The following APP variants were observed in gnomAD, a reference collection of about 807,000 sequenced individuals.
APP encodes amyloid-beta precursor protein.
APP carries 31 observed loss-of-function variants against 101.4 expected under a neutral mutation model. The observed-to-expected ratio is 0.31, with a 90% confidence interval of 0.23 to 0.41. The LOEUF is 0.41. Ranked by LOEUF, APP falls within the 10% of genes least tolerant of loss-of-function variation. The pLI is 1.00. For missense variants in APP, 839 were observed against 1,003.7 expected (o/e 0.84, Z 2.22); for synonymous variants, 366 against 364.4 (o/e 1.00, Z -0.05).
intron 5 of APP, among the ~76,000 whole-genome samples, chr21:26,041,042 C>A (rs756197618): frequency 5.3e-5 from 8 of 152,194 alleles, no homozygotes; most frequent in Non-Finnish European, 1.2e-4. Context: ...TCACTCTCTA[C>A]CTCTACTCAA....
intron 5 of APP, among the ~76,000 whole-genome samples, chr21:26,031,851 T>C (rs2044842275): frequency 6.6e-6 from 1 of 152,118 alleles, no homozygotes; most frequent in Non-Finnish European, 1.5e-5. Context: ...AGCAATACCT[T>C]GTCCTGCCCC....
intron 1 of APP, chr21:26,140,088 G>C (rs750128846): frequency 1.7e-6 from 2 of 1,187,034 alleles, no homozygotes; most frequent in African/African-American, 3.0e-5. Flanking sequence ...TACTGTCTGA[G>C]AACAGAGTTT....
chr21:25,889,712 GC>G (rs1455825832), intron 17 of APP, among the ~76,000 whole-genome samples: 2 of 152,066 alleles, frequency 1.3e-5, no homozygotes, highest in Non-Finnish European at 2.9e-5. Flanking sequence ...GTGGTGGTAT[GC>G]CCCTGTAATC....
chr21:26,037,119 CAG>C (rs2045152160), intron 5 of APP, among the ~76,000 whole-genome samples: 1 of 152,108 alleles, frequency 6.6e-6, no homozygotes, highest in Non-Finnish European at 1.5e-5. Flanking sequence ...AAGCCAAAAA[CAG>C]AAAGTTAAAC....
In APP at chr21:25,897,614, A is replaced by T. The variant is rs767144744; in HGVS notation, c.2023T>A (p.Phe675Ile). Residue 675 changes from phenylalanine (F) to isoleucine (I), a missense_variant, in exon 16 of 18, where the codon TTC (phenylalanine) becomes ATC (isoleucine). By Grantham distance (21) the Phe-to-Ile change is conservative (BLOSUM62 0). Coordinates refer to ENST00000346798, the MANE Select transcript of APP (RefSeq NM_000484.4). ...EISEVKMDAE[F>I]RHDSGYEVHH... ...ACTTCATATCCTGAGTCATGTCGGA[A>T]TTCTGCATCCATCTTCACTTCAGAG... The T allele has an allele frequency of 1.2e-6, 2 of 1,614,050 alleles. No individual in the cohort carries two copies. The highest frequency in any genetic ancestry group is 2.2e-5 in the South Asian group (2 of 91,080).
At chr21:26,064,672 C>T (rs187485424) in intron 3 of APP, among the ~76,000 whole-genome samples, 2 of 152,166 alleles carry the variant, frequency 1.3e-5, no homozygotes, top group Admixed American at 6.5e-5. Flanking sequence ...CATTTAACAC[C>T]CTCCCCCTAA....
chr21:25,881,507 A>C lies in APP; in HGVS notation c.*163T>G, dbSNP rs1467945548. ...ACATTACTGATGTGTGGATTAATTCAAGTTCAGGCATCTACTTGTGTTACA... is the reference window on the plus strand; with the variant it reads ...ACATTACTGATGTGTGGATTAATTCCAGTTCAGGCATCTACTTGTGTTACA... On this transcript the variant is annotated 3_prime_UTR_variant, in exon 18 of 18. Transcript: ENST00000346798. The C allele has an allele frequency of 1.3e-6, 1 of 756,362 alleles. No homozygotes were observed. The highest frequency in any genetic ancestry group is 2.3e-6 in the Non-Finnish European group (1 of 437,262). 46.9% of individuals were successfully genotyped at this position (756,362 alleles called of 1,614,324 possible).
chr21:25,991,565 A>G (rs1429653417), intron 8 of APP, among the ~76,000 whole-genome samples: 1 of 152,098 alleles, frequency 6.6e-6, no homozygotes, highest in Non-Finnish European at 1.5e-5. Context: ...TTTAGCAGAG[A>G]TGGGGTTTCG....
chr21:25,882,192 C>T (rs1385491672), intron 17 of APP, among the ~76,000 whole-genome samples: 3 of 151,606 alleles, frequency 2.0e-5, no homozygotes, highest in Non-Finnish European at 4.4e-5. Flanking sequence ...GGAGATTCAG[C>T]AAAGTATACT....
chr21:26,045,805 AC>A (rs1211288444), intron 5 of APP, among the ~76,000 whole-genome samples: 2 of 152,082 alleles, frequency 1.3e-5, no homozygotes, highest in Non-Finnish European at 2.9e-5. Flanking sequence ...GGCCATACGC[AC>A]CCACACAAGC....
At chr21:26,122,310 T>C (rs1050116833) in intron 1 of APP, among the ~76,000 whole-genome samples, 9 of 152,202 alleles carry the variant, frequency 5.9e-5, no homozygotes, top group Non-Finnish European at 1.2e-4. Context: ...TTCCACATTG[T>C]CCATACCCTT....
intron 15 of APP, among the ~76,000 whole-genome samples, chr21:25,902,297 T>C (rs1484219910): frequency 6.6e-6 from 1 of 152,200 alleles, no homozygotes; most frequent in Non-Finnish European, 1.5e-5. Context: ...GCTAAAGATA[T>C]AATTCGGCAC....
At chr21:26,123,878 CAGTT>C (rs1047238877) in intron 1 of APP, among the ~76,000 whole-genome samples, 2 of 151,910 alleles carry the variant, frequency 1.3e-5, no homozygotes, top group African/African-American at 4.8e-5. Context: ...TAGGAGGGTG[CAGTT>C]AGTTGACAGT....
intron 17 of APP, among the ~76,000 whole-genome samples, chr21:25,887,010 G>A (rs2037369846): frequency 6.6e-6 from 1 of 151,402 alleles, no homozygotes; most frequent in African/African-American, 2.4e-5. Flanking sequence ...TTCTTATTTA[G>A]ATCATTAATG....
intron 3 of APP, among the ~76,000 whole-genome samples, chr21:26,060,574 TG>T (rs2046232042): frequency 6.6e-6 from 1 of 152,112 alleles, no homozygotes; most frequent in African/African-American, 2.4e-5. Context: ...AAAAATACAG[TG>T]TCTGTTGGAT....
intron 5 of APP, among the ~76,000 whole-genome samples, chr21:26,022,717 G>T (rs1413428361): frequency 6.6e-6 from 1 of 152,134 alleles, no homozygotes; most frequent in African/African-American, 2.4e-5. Flanking sequence ...CCGTATTATG[G>T]GAATTACTTC....
intron 17 of APP, among the ~76,000 whole-genome samples, chr21:25,884,452 C>T (rs2037193008): frequency 6.6e-6 from 1 of 152,210 alleles, no homozygotes; most frequent in Non-Finnish European, 1.5e-5. Flanking sequence ...CTCCTCTTTC[C>T]TTTGCTGTGC....
rs115263060 is a variant in APP at position 26,064,756 on chromosome 21, G to C, written c.356-11408C>G. On this transcript the variant is annotated intron_variant, in intron 3 of 17. Transcript: ENST00000346798. ...TCCCCGGCGAGGCCCATGTTCCACA[G>C]AAGGAGATGAGGGCTCAGATGTTCC... Among the ~76,000 whole-genome samples, 1,379 of 152,324 alleles carry C rather than the reference G, an allele frequency of 9.1e-3. 25 individuals carry two copies. Among genetic ancestry groups the C allele is most frequent in the African/African-American group, 0.03 (1,236 of 41,568 alleles).
intron 13 of APP, chr21:25,942,276 G>A (rs2040606864): frequency 6.6e-6 from 1 of 152,044 alleles, no homozygotes; most frequent in Non-Finnish European, 1.5e-5. Context: ...TGTTTAACTT[G>A]GCAACAGCAG....
Sources: allele counts gnomAD v4.1 joint callset (sites outside exome capture counted in the v4.1 genomes callset), GRCh38; gene constraint gnomAD v4.1.1; transcripts MANE v1.5; gene names NCBI Gene and HGNC (gene_info 2026-07-23, HGNC 2026-07-21).